LDLRAD3: variants seen among roughly 807,000 people sequenced by gnomAD.
LDLRAD3 encodes the protein low density lipoprotein receptor class A domain containing 3.
In LDLRAD3, 20 loss-of-function variants were observed where a neutral mutation model predicts 29.4. That is an observed-to-expected ratio of 0.68 (90% CI 0.48 to 0.99). The LOEUF (loss-of-function observed/expected upper bound fraction) is 0.99. Ranked by LOEUF, LDLRAD3 falls within the 50% of genes least tolerant of loss-of-function variation. The pLI is 0.00. For missense variants in LDLRAD3, 420 were observed against 454.3 expected (o/e 0.92, Z 0.69); for synonymous variants, 157 against 192.7 (o/e 0.81, Z 1.53).
chr11:36,198,714 A>G (rs1191692587), intron 4 of LDLRAD3, among the ~76,000 whole-genome samples: 1 of 152,220 alleles, frequency 6.6e-6, no homozygotes, highest in Non-Finnish European at 1.5e-5. Context: ...GCACCTGCTT[A>G]GAGCCTCCAG....
At chr11:36,103,299 C>T (rs1290455954) in intron 4 of LDLRAD3, among the ~76,000 whole-genome samples, 4 of 147,430 alleles carry the variant, frequency 2.7e-5, no homozygotes, top group Admixed American at 6.9e-5. Flanking sequence ...TGCAGTGGCG[C>T]GATCTCAGCC....
At chr11:35,991,524 T>C (rs1379114624) in intron 1 of LDLRAD3, among the ~76,000 whole-genome samples, 1 of 152,236 alleles carries the variant, frequency 6.6e-6, no homozygotes, top group Non-Finnish European at 1.5e-5. Flanking sequence ...GCCATAAATT[T>C]AAGGCATATA....
chr11:35,947,118 AGG>A (rs1204456207), intron 1 of LDLRAD3, among the ~76,000 whole-genome samples: 1 of 152,230 alleles, frequency 6.6e-6, no homozygotes, highest in African/African-American at 2.4e-5. Flanking sequence ...GCCAGTCTGC[AGG>A]ATAAGTTGAA....
intron 4 of LDLRAD3, among the ~76,000 whole-genome samples, chr11:36,150,292 C>A (rs1854259042): frequency 6.6e-6 from 1 of 152,134 alleles, no homozygotes; most frequent in Admixed American, 6.5e-5. Context: ...CTTTGGGAGG[C>A]TGAGGCAGCA....
chr11:36,187,529 T>C (rs2133362536), intron 4 of LDLRAD3, among the ~76,000 whole-genome samples: 1 of 152,326 alleles, frequency 6.6e-6, no homozygotes, highest in East Asian at 1.9e-4. Context: ...TGTTTGGATA[T>C]ATTAACCACT....
chr11:36,066,866 A>T (rs941351268), intron 2 of LDLRAD3, among the ~76,000 whole-genome samples: 1 of 152,168 alleles, frequency 6.6e-6, no homozygotes, highest in East Asian at 1.9e-4. Flanking sequence ...AAGTTTCTTC[A>T]GAAAAAACAA....
At chr11:36,006,045 T>C (rs989429525) in intron 1 of LDLRAD3, among the ~76,000 whole-genome samples, 3 of 152,116 alleles carry the variant, frequency 2.0e-5, no homozygotes, top group South Asian at 2.1e-4. Context: ...ATCTAAGATG[T>C]TGAGCAACTT....
At chr11:36,218,552 C>T (rs570086232) in intron 4 of LDLRAD3, among the ~76,000 whole-genome samples, 18 of 152,248 alleles carry the variant, frequency 1.2e-4, no homozygotes, top group East Asian at 3.9e-4. Flanking sequence ...TGAGAATGGA[C>T]GTGAGGTTAA....
chr11:36,070,775 T>C (rs1852887394), intron 2 of LDLRAD3, among the ~76,000 whole-genome samples: 1 of 152,134 alleles, frequency 6.6e-6, no homozygotes, highest in Non-Finnish European at 1.5e-5. Context: ...TGCAGGTGGA[T>C]CACTGACTTG....
At chr11:36,001,502 C>A (rs955009965) in intron 1 of LDLRAD3, among the ~76,000 whole-genome samples, 13 of 152,090 alleles carry the variant, frequency 8.5e-5, no homozygotes, top group South Asian at 4.2e-4. Context: ...ATAAAAAAAT[C>A]TTTTAATCTA....
At chr11:35,976,036 A>G (rs2133151908) in intron 1 of LDLRAD3, among the ~76,000 whole-genome samples, 1 of 151,924 alleles carries the variant, frequency 6.6e-6, no homozygotes, top group South Asian at 2.1e-4. Context: ...ATCAGGTAAG[A>G]GGAGTTGGGC....
At chr11:36,226,224 A>G (rs1194015638) in intron 4 of LDLRAD3, among the ~76,000 whole-genome samples, 1 of 152,164 alleles carries the variant, frequency 6.6e-6, no homozygotes. Context: ...GCACTATTAC[A>G]TCTCCATTTT....
intron 4 of LDLRAD3, among the ~76,000 whole-genome samples, chr11:36,106,186 G>A (rs1167820346): frequency 6.6e-6 from 1 of 152,186 alleles, no homozygotes; most frequent in Non-Finnish European, 1.5e-5. Context: ...GTAGAGCCAT[G>A]CTTGGTTAGG....
At chr11:35,955,353 C>T (rs1052301105) in intron 1 of LDLRAD3, among the ~76,000 whole-genome samples, 3 of 152,258 alleles carry the variant, frequency 2.0e-5, no homozygotes, top group South Asian at 2.1e-4. Context: ...GGTCAAACCA[C>T]GCAAATGATT....
intron 4 of LDLRAD3, among the ~76,000 whole-genome samples, chr11:36,155,453 C>T (rs1032646457): frequency 2.6e-5 from 4 of 152,120 alleles, no homozygotes; most frequent in Admixed American, 6.5e-5. Flanking sequence ...TATTGACTTC[C>T]GCGTCTGTTC....
chr11:35,971,348 T>C (rs1851410043), intron 1 of LDLRAD3, among the ~76,000 whole-genome samples: 1 of 152,208 alleles, frequency 6.6e-6, no homozygotes. Context: ...AAAACTCATA[T>C]GTTGAGCCCT....
chr11:36,106,979 A>G (rs761038360), intron 4 of LDLRAD3, among the ~76,000 whole-genome samples: 2 of 152,138 alleles, frequency 1.3e-5, no homozygotes, highest in Non-Finnish European at 2.9e-5. Context: ...TGCTGGTCCA[A>G]GGAGAATGCA....
At chr11:36,098,178 A>AT in intron 3 of LDLRAD3, 149 bp from the exon 4 acceptor site, 1 of 928,514 alleles carries the variant, frequency 1.1e-6, no homozygotes, top group Non-Finnish European at 1.6e-6. Flanking sequence ...TTGGCTGGCC[A>AT]GCCTTACAGC....
At chr11:36,111,842 CT>C (rs1271385380) in intron 4 of LDLRAD3, among the ~76,000 whole-genome samples, 4 of 152,232 alleles carry the variant, frequency 2.6e-5, no homozygotes, top group African/African-American at 9.6e-5. Context: ...CGTGATCCAC[CT>C]GCCTCGGCCT....
Sources: allele counts gnomAD v4.1 joint callset (sites outside exome capture counted in the v4.1 genomes callset), GRCh38; gene constraint gnomAD v4.1.1; transcripts MANE v1.5; gene names NCBI Gene and HGNC (gene_info 2026-07-23, HGNC 2026-07-21).